FOCAD: variants seen among roughly 807,000 people sequenced by gnomAD.
The protein encoded by FOCAD is KIAA1797.
In FOCAD, 198 loss-of-function variants were observed where a neutral mutation model predicts 225.6. The observed-to-expected ratio is 0.88, with a 90% CI of 0.78 to 0.99. FOCAD has a LOEUF of 0.99. Among genes scored for constraint, FOCAD ranks in the 50% least tolerant of loss-of-function variants. FOCAD has a pLI of 0.00. For missense variants in FOCAD, 2,713 were observed against 2,123.6 expected, an observed-to-expected ratio of 1.28 and a Z score of -5.46; for synonymous variants, 897 against 755.0, an observed-to-expected ratio of 1.19 and a Z score of -3.08.
chr9:20,698,720 C>G (rs778777080), intron 1 of FOCAD, among the ~76,000 whole-genome samples: 1 of 152,150 alleles, frequency 6.6e-6, no homozygotes, highest in Non-Finnish European at 1.5e-5. Flanking sequence ...AAAAATTTCT[C>G]AAGTGTTTTT....
rs1034461300 is a variant in FOCAD, at chr9:20,962,210, C to T, written c.4132+9145C>T. ...TACTTTCCTATATATTTTCATGGTG[C>T]GTAATATATGTGTCATCATTTTCAT... On this transcript the variant is annotated intron_variant, in intron 35 of 43. Transcript: ENST00000338382. Among the ~76,000 whole-genome samples, 10 of 152,082 alleles carry T rather than the reference C, an allele frequency of 6.6e-5. No homozygotes were observed. In the East Asian group the frequency reaches 1.4e-3, roughly 21 times the overall value.
chr9:20,757,138 A>G (rs1829129671), intron 5 of FOCAD, among the ~76,000 whole-genome samples: 1 of 152,192 alleles, frequency 6.6e-6, no homozygotes, highest in African/African-American at 2.4e-5. Flanking sequence ...CATGTTGGTC[A>G]GGCTGGTCTC....
chr9:20,673,308 T>C (rs1386111549), intron 2 of FOCAD, among the ~76,000 whole-genome samples: 2 of 152,216 alleles, frequency 1.3e-5, no homozygotes, highest in Non-Finnish European at 2.9e-5. Flanking sequence ...TGCTAGGTCA[T>C]ACGGAACTCT....
intron 11 of FOCAD, among the ~76,000 whole-genome samples, chr9:20,797,800 C>A (rs1821298495): frequency 6.6e-6 from 1 of 152,106 alleles, no homozygotes; most frequent in Non-Finnish European, 1.5e-5. Context: ...AAACAGGGAC[C>A]ATTTGACTTC....
rs1830133164 is a variant in FOCAD at position 20,767,326 on chromosome 9, T to C, written c.699+2253T>C. On this transcript the variant is annotated intron_variant, in intron 7 of 43. Coordinates refer to ENST00000338382, the MANE Select transcript of FOCAD (RefSeq NM_001375567.1). ...TTATAGCAGCAAGATTTATAGTCCT[T>C]TGGGTATATACCCAGTAATGGGATA... is the stretch of plus-strand genomic sequence containing the variant. 2.1e-5 allele frequency among the ~76,000 whole-genome samples: 3 copies of C among 145,996 alleles called. No individual in the cohort carries two copies. In the South Asian group the frequency reaches 6.8e-4, roughly 33 times the overall value.
intron 22 of FOCAD, among the ~76,000 whole-genome samples, chr9:20,909,564 T>C (rs1175428180): frequency 1.3e-5 from 2 of 152,130 alleles, no homozygotes; most frequent in Non-Finnish European, 2.9e-5. Flanking sequence ...ATGGTTGGTA[T>C]CTTTATTTAT....
chr9:20,983,369 C>A (rs140624398), intron 39 of FOCAD, among the ~76,000 whole-genome samples: 2 of 151,882 alleles, frequency 1.3e-5, no homozygotes, highest in South Asian at 4.1e-4. Flanking sequence ...GTCAAGAGAT[C>A]GAGACTATTC....
intron 2 of FOCAD, among the ~76,000 whole-genome samples, chr9:20,671,419 A>G (rs1383124771): frequency 6.6e-6 from 1 of 152,212 alleles, no homozygotes; most frequent in Non-Finnish European, 1.5e-5. Context: ...CTTAAGCTTG[A>G]AGAATGGCTT....
chr9:20,825,585 C>CT (rs1312696522), intron 15 of FOCAD, among the ~76,000 whole-genome samples: 2 of 152,046 alleles, frequency 1.3e-5, no homozygotes, highest in African/African-American at 4.8e-5. Context: ...TTGAATAACT[C>CT]TATCTTTAAG....
chr9:20,778,253 C>A (rs1030532555), intron 8 of FOCAD, among the ~76,000 whole-genome samples: 1 of 151,190 alleles, frequency 6.6e-6, no homozygotes, highest in African/African-American at 2.4e-5. Context: ...CTAATTCTTT[C>A]TTTTTTTTTG....
intron 4 of FOCAD, among the ~76,000 whole-genome samples, chr9:20,721,444 G>A (rs1023879551): frequency 6.6e-6 from 1 of 152,130 alleles, no homozygotes; most frequent in African/African-American, 2.4e-5. Context: ...GGTCACGCCT[G>A]TAATCCTAGC....
chr9:20,749,991 T>C (rs1278734150), intron 5 of FOCAD, among the ~76,000 whole-genome samples: 1 of 152,176 alleles, frequency 6.6e-6, no homozygotes, highest in Non-Finnish European at 1.5e-5. Context: ...CTCCATTCTG[T>C]TAGGATGCAT....
intron 35 of FOCAD, among the ~76,000 whole-genome samples, chr9:20,969,081 G>GT (rs1459817821): frequency 2.0e-5 from 3 of 152,042 alleles, no homozygotes; most frequent in South Asian, 2.1e-4. Context: ...GAGTTTTCCA[G>GT]TTTTTTTGGA....
intron 18 of FOCAD, among the ~76,000 whole-genome samples, chr9:20,869,319 T>C (rs1165774941): frequency 6.6e-6 from 1 of 152,130 alleles, no homozygotes; most frequent in African/African-American, 2.4e-5. Flanking sequence ...TTTGAGCCCA[T>C]TGTGAATTTC....
intron 1 of FOCAD, among the ~76,000 whole-genome samples, chr9:20,702,013 C>T (rs1563891652): frequency 6.6e-6 from 1 of 152,012 alleles, no homozygotes; most frequent in Non-Finnish European, 1.5e-5. Flanking sequence ...ATTTAAAAAC[C>T]GTTTGCTATG....
At chr9:20,734,242 G>A (rs1826948211) in intron 4 of FOCAD, among the ~76,000 whole-genome samples, 1 of 152,138 alleles carries the variant, frequency 6.6e-6, no homozygotes, top group South Asian at 2.1e-4. Context: ...GGCTAATAGG[G>A]AGTCTTAAAG....
chr9:20,948,524 G>A, intron 31 of FOCAD, 131 bp downstream of exon 31: 5 of 983,470 alleles, frequency 5.1e-6, no homozygotes, highest in South Asian at 1.9e-5. Context: ...AAATGAAAGA[G>A]ATCACATACT....
rs539154428 is a variant in FOCAD at position 20,789,712 on chromosome 9, T to C, written c.1455+104T>C. 4.5e-3 allele frequency: 6,399 copies of C among 1,410,138 alleles called. 14 individuals carry two copies. Among genetic ancestry groups the C allele is most frequent in the Non-Finnish European group, 5.8e-3 (6,032 of 1,048,108 alleles). The allele number at this position is 1,410,138 out of a possible 1,614,324, so 87.4% of individuals were successfully genotyped here. A position where few individuals can be genotyped will look rare whatever the true frequency, so the allele number is the denominator to read the frequency against. On this transcript the variant is annotated intron_variant, in intron 11 of 43. Coordinates refer to ENST00000338382, the MANE Select transcript of FOCAD (RefSeq NM_001375567.1). ...TTATTTGCATCAGAGTTTTAAATTA[T>C]GGGTTGATGATTTTTTTTTTTTTTG...
intron 11 of FOCAD, among the ~76,000 whole-genome samples, chr9:20,808,365 G>C (rs953817595): frequency 6.6e-6 from 1 of 152,180 alleles, no homozygotes; most frequent in East Asian, 1.9e-4. Context: ...AAGAATAGGG[G>C]CAGGTTTGCC....
Sources: allele counts gnomAD v4.1 joint callset (sites outside exome capture counted in the v4.1 genomes callset), GRCh38; gene constraint gnomAD v4.1.1; transcripts MANE v1.5; gene names NCBI Gene and HGNC (gene_info 2026-07-23, HGNC 2026-07-21).